Variants in FOXM1 observed in about 807,000 individuals in gnomAD.
FOXM1 encodes forkhead box protein M1.
Under a neutral mutation model 63.6 loss-of-function variants are expected in FOXM1, and 25 were observed. The ratio of observed to expected loss-of-function variants is 0.39; its 90% confidence interval spans 0.29 to 0.55. FOXM1 has a LOEUF of 0.55. FOXM1 is among the 20% of genes least tolerant of loss of function. The probability of loss-of-function intolerance (pLI) is 0.60; values close to 1 mark genes in which losing one functional copy is unlikely to be tolerated. For missense variants in FOXM1, 879 were observed against 958.7 expected (o/e 0.92, Z 1.10); for synonymous variants, 387 against 376.9 (o/e 1.03, Z -0.31).
rs746734860 is a variant in FOXM1, at chr12:2,864,742, C to T, written c.1031G>A (p.Arg344Gln). The change falls in exon 7 of 9, where the codon CGA becomes CAA. Residue 344 changes from arginine to glutamine, a missense_variant. Physicochemically the swap from Arg to Gln is conservative, Grantham distance 43. Around this residue, in one of 4 missense-constraint regions of FOXM1, gnomAD observed 76 missense variants for 94.5 expected, o/e 0.80. Coordinates refer to ENST00000359843, the MANE Select transcript of FOXM1 (RefSeq NM_021953.4). The surrounding 1 kb of genome is among the most constrained non-coding windows in gnomAD (Gnocchi z 5.1). The stretch of plus-strand genomic sequence containing the variant: ...GTTCCGGCGGAGCTCTGGATTCGGT[C>T]GTTTCTGCTGCTGCTTGTGGCAGAT... ...LPEHLESQQK[R>Q]PNPELRRNMT... 11 of 1,613,954 alleles carry T rather than the reference C, an allele frequency of 6.8e-6. No individual in the cohort carries two copies. Among genetic ancestry groups the T allele is most frequent in the East Asian group, 2.2e-5 (1 of 44,880 alleles).
Position 2,865,354 on chromosome 12 carries a change from C to T in FOXM1, c.1020+1G>A, listed in dbSNP as rs905178711. ...CCCGAGCCAGAGGGAAAGAACCTTA[C>T]TGATTCCAAGTGCTCGGGCAATTGT... On this transcript the variant is annotated splice_donor_variant, in intron 6 of 8. Coordinates refer to ENST00000359843, the MANE Select transcript of FOXM1 (RefSeq NM_021953.4). LOFTEE classifies it high-confidence loss of function. 6 of 1,610,284 alleles carry T rather than the reference C, an allele frequency of 3.7e-6. No homozygotes were observed. Among genetic ancestry groups the T allele is most frequent in the African/African-American group, 1.3e-5 (1 of 74,788 alleles).
chr12:2,859,599 A>G lies in FOXM1; in HGVS notation c.1331T>C (p.Leu444Pro). 1 of 1,613,466 alleles carries G rather than the reference A, an allele frequency of 6.2e-7. No individual in the cohort carries two copies. The highest frequency in any genetic ancestry group is 1.7e-5 in the Admixed American group (1 of 59,982). ...AGGAGAAAACCCTTCTCCAAACAGG[A>G]GTTTCTCCTCTTTCCCTGGTCCTGC... ...SSAGPGKEEK[L>P]LFGEGFSPLL... Residue 444 changes from leucine to proline, a missense_variant, in exon 9 of 9, where the codon CTC becomes CCC. By Grantham distance (98) the Leu-to-Pro change is moderately conservative. Coordinates refer to ENST00000359843, the MANE Select transcript of FOXM1 (RefSeq NM_021953.4).
In FOXM1 at chr12:2,872,913, G is replaced by A. The variant is rs1002051765; in HGVS notation, c.503-666C>T. Among the ~76,000 whole-genome samples the A allele has an allele frequency of 1.3e-5, 2 of 152,062 alleles. No individual in the cohort carries two copies. The highest frequency in any genetic ancestry group is 4.8e-5 in the African/African-American group (2 of 41,422). On this transcript the variant is annotated intron_variant, in intron 2 of 8. Transcript: ENST00000359843. The surrounding 1 kb of genome is among the most constrained non-coding windows in gnomAD (Gnocchi z 4.0). ...CAAAAAGAAAAAAAAAATTAACTGG[G>A]AATGATGGTGCATGCCTATAGTCCC...
At position 2,864,524 on chromosome 12, in the gene FOXM1, A is replaced by AG. The variant is rs376006704; in HGVS notation, c.1091-30dup. On this transcript the variant is annotated intron_variant, in intron 7 of 8. Coordinates refer to ENST00000359843, the MANE Select transcript of FOXM1 (RefSeq NM_021953.4). This position sits in a 1 kb window ranked among gnomAD's most constrained non-coding sequence, Gnocchi z 5.1. The stretch of plus-strand genomic sequence containing the variant: ...GGAGGAAACACGAGAGATCAGGAGC[A>AG]GGGGGACTGGAGTACACCCCTTCTC... 856 of 1,604,444 alleles carry AG rather than the reference A, an allele frequency of 5.3e-4. 10 individuals are homozygous for AG. The African/African-American group carries it at 0.01, about 19-fold the overall frequency.
chr12:2,862,213 A>G (rs1483851454), intron 8 of FOXM1, among the ~76,000 whole-genome samples: 1 of 151,984 alleles, frequency 6.6e-6, no homozygotes. Context: ...CATGTAGAGA[A>G]GTATGCACAA....
At chr12:2,871,300 A>C (rs1478263187) in intron 3 of FOXM1, among the ~76,000 whole-genome samples, 1 of 152,114 alleles carries the variant, frequency 6.6e-6, no homozygotes, top group East Asian at 1.9e-4. Flanking sequence ...TGGGAAAAAA[A>C]CCCAGACTAC....
intron 3 of FOXM1, among the ~76,000 whole-genome samples, chr12:2,871,702 A>G (rs371552406): frequency 6.6e-6 from 1 of 152,146 alleles, no homozygotes; most frequent in Non-Finnish European, 1.5e-5. Context: ...TTTATCTGCT[A>G]TTAATATTAT....
rs1205224872 is a variant in FOXM1 at position 2,864,308 on chromosome 12, T to C, written c.1266+12A>G. ...GCCAGAATCTCTCTTCAGAGGAAAA[T>C]AGGACACCCACCTTGGGGGCAATGC... is the stretch of plus-strand genomic sequence containing the variant. On this transcript the variant is annotated intron_variant, in intron 8 of 8. Coordinates refer to ENST00000359843, the MANE Select transcript of FOXM1 (RefSeq NM_021953.4). This position sits in a 1 kb window ranked among gnomAD's most constrained non-coding sequence, Gnocchi z 5.1. 2 of 1,601,690 alleles carry C rather than the reference T, an allele frequency of 1.2e-6. No homozygotes were observed. The highest frequency in any genetic ancestry group is 1.7e-5 in the Admixed American group (1 of 58,648).
intron 8 of FOXM1, among the ~76,000 whole-genome samples, chr12:2,862,594 G>A (rs1338021207): frequency 4.6e-5 from 7 of 152,208 alleles, no homozygotes; most frequent in African/African-American, 1.2e-4. Flanking sequence ...GCAGTGGCAC[G>A]ATTATAGCTC....
At chr12:2,870,179 G>A (rs1446380227) in intron 3 of FOXM1, among the ~76,000 whole-genome samples, 2 of 149,796 alleles carry the variant, frequency 1.3e-5, no homozygotes, top group Admixed American at 6.7e-5. Flanking sequence ...TAGTAGAGGC[G>A]GGGTCAGGCT....
At chr12:2,866,576 C>A in intron 4 of FOXM1, 55 bp from the exon 5 acceptor site, 1 of 1,465,526 alleles carries the variant, frequency 6.8e-7, no homozygotes, top group Non-Finnish European at 9.0e-7. Flanking sequence ...AGAAACATCA[C>A]CCTTCAAACA....
Position 2,859,475 on chromosome 12 carries a change from T to C in FOXM1, c.1455A>G (p.Glu485=), listed in dbSNP as rs747732973. The C allele has an allele frequency of 6.2e-7, 1 of 1,613,976 alleles. No homozygotes were observed. The highest frequency in any genetic ancestry group is 1.1e-5 in the South Asian group (1 of 91,074). The part of the protein sequence containing the change: ...RPIKVESPPL[E]EWPSPAPSFK... ...AAGATGGGGCCGGGGAGGGCCACTCTTCCAAGGGAGGGCTCTCCACTTTGA... is the reference window on the plus strand; with the variant it reads ...AAGATGGGGCCGGGGAGGGCCACTCCTCCAAGGGAGGGCTCTCCACTTTGA... Residue 485 remains glutamate (E), a synonymous_variant, in exon 9 of 9, where the codon GAA becomes GAG. Coordinates refer to ENST00000359843, the MANE Select transcript of FOXM1 (RefSeq NM_021953.4).
chr12:2,868,796 A>G, intron 3 of FOXM1, 42 bp from the exon 4 acceptor site: 1 of 1,524,012 alleles, frequency 6.6e-7, no homozygotes, highest in South Asian at 1.2e-5. Flanking sequence ...AGAGTTCATG[A>G]GAAGCACCCC....
chr12:2,864,398 C>T lies in FOXM1; in HGVS notation c.1188G>A (p.Lys396=), dbSNP rs770441728. The T allele has an allele frequency of 1.2e-6, 2 of 1,614,188 alleles. No homozygotes were observed. The highest frequency in any genetic ancestry group is 1.1e-5 in the South Asian group (1 of 91,088). Residue 396 remains lysine, a synonymous_variant, in exon 8 of 9, where the codon AAG becomes AAA. Transcript: ENST00000359843. The surrounding 1 kb of genome is among the most constrained non-coding windows in gnomAD (Gnocchi z 5.1). Reference sequence around the variant, plus strand: ...GGGAAGCCGCCAGGGGCAATGGCACCTTCACCGAGGGCTGCAACACCAGTG... The same window carrying T: ...GGGAAGCCGCCAGGGGCAATGGCACTTTCACCGAGGGCTGCAACACCAGTG... The part of the protein sequence containing the change: ...NQSLVLQPSV[K]VPLPLAASLM...
chr12:2,866,294 T>C (rs1477684557), intron 5 of FOXM1, 99 bp downstream of exon 5: 2 of 1,258,338 alleles, frequency 1.6e-6, no homozygotes. Flanking sequence ...AACTCTCCCC[T>C]GATCAAATGA....
In FOXM1 at chr12:2,866,388, T is replaced by C; in HGVS notation, c.975+5A>G. 6.9e-7 allele frequency: 1 copy of C among 1,454,754 alleles called. No homozygotes were observed. The highest frequency in any genetic ancestry group is 9.1e-7 in the Non-Finnish European group (1 of 1,099,556). The allele number at this position is 1,454,754 out of a possible 1,614,324, so 90.1% of individuals were successfully genotyped here. A position where few individuals can be genotyped will look rare whatever the true frequency, so the allele number is the denominator to read the frequency against. ...GCCCTATTTAGAGGAAAGCAGGGCA[T>C]TCACCTTAAACACCTGGTCCAATGT... is the stretch of plus-strand genomic sequence containing the variant. On this transcript the variant is annotated splice_donor_5th_base_variant and intron_variant, in intron 5 of 8. Coordinates refer to ENST00000359843, the MANE Select transcript of FOXM1 (RefSeq NM_021953.4).
At chr12:2,875,981 G>A (rs2098142607) in intron 1 of FOXM1, among the ~76,000 whole-genome samples, 1 of 150,850 alleles carries the variant, frequency 6.6e-6, no homozygotes, top group Non-Finnish European at 1.5e-5. Flanking sequence ...TGCCAGGCTG[G>A]TCTTGAACTC....
In FOXM1 at chr12:2,863,554, AT is replaced by A. The variant is rs575465056; in HGVS notation, c.1266+765del. Among the ~76,000 whole-genome samples the A allele has an allele frequency of 5.2e-3, 760 of 146,092 alleles. 7 individuals are homozygous for A. Among genetic ancestry groups the A allele is most frequent in the African/African-American group, 0.017 (700 of 40,024 alleles). ...CAGGCATGTACTACCACCGTGGCTA[AT>A]TTTTTTTTTTGCATTTTTAGCAGAG... On this transcript the variant is annotated intron_variant, in intron 8 of 8. Coordinates refer to ENST00000359843, the MANE Select transcript of FOXM1 (RefSeq NM_021953.4).
chr12:2,866,653 G>A, intron 4 of FOXM1, 132 bp from the exon 5 acceptor site: 1 of 897,406 alleles, frequency 1.1e-6, no homozygotes, highest in East Asian at 3.2e-5. Flanking sequence ...TGTCTTTGCA[G>A]CCCTCTTGGC....
Sources: allele counts gnomAD v4.1 joint callset (sites outside exome capture counted in the v4.1 genomes callset), GRCh38; gene constraint gnomAD v4.1.1; regional missense constraint gnomAD v4.1.1; non-coding constraint Gnocchi (gnomAD v3.1); transcripts MANE v1.5; gene names NCBI Gene and HGNC (gene_info 2026-07-23, HGNC 2026-07-21).